The following GRHL3 variants were observed in gnomAD, a reference collection of about 807,000 sequenced individuals.
The protein encoded by GRHL3 is grainyhead like transcription factor 3.
In GRHL3, 20 loss-of-function variants were observed where a neutral mutation model predicts 70.3. The observed-to-expected ratio is 0.28, with a 90% CI of 0.20 to 0.41. The LOEUF is 0.41. Ranked by LOEUF, GRHL3 falls within the 10% of genes least tolerant of loss-of-function variation. GRHL3 has a pLI of 1.00. For missense variants in GRHL3, 637 were observed against 762.3 expected, an observed-to-expected ratio of 0.84 and a Z score of 1.94; for synonymous variants, 299 against 299.9, an observed-to-expected ratio of 1.00 and a Z score of 0.03.
chr1:24,364,312 G>A, exon 16 of GRHL3: 1 of 1,549,804 alleles, frequency 6.5e-7, no homozygotes, highest in Non-Finnish European at 8.7e-7. Flanking sequence ...GAGGGACCTG[G>A]ATTCAAATCC....
chr1:24,360,797 A>G (rs1029286889), intron 15 of GRHL3: 1 of 1,495,162 alleles, frequency 6.7e-7, no homozygotes, highest in Non-Finnish European at 9.1e-7. Context: ...CCCAAGAATG[A>G]CAAACAGTTC....
chr1:24,334,733 C>T lies in GRHL3; in HGVS notation c.266+27C>T, dbSNP rs368307765. 2.5e-6 allele frequency: 4 copies of T among 1,593,058 alleles called. No homozygotes were observed. The highest frequency in any genetic ancestry group is 2.7e-5 in the African/African-American group (2 of 74,368). On this transcript the variant is annotated intron_variant, in intron 3 of 15. Transcript: ENST00000361548. This position sits in a 1 kb window ranked among gnomAD's most constrained non-coding sequence, Gnocchi z 4.3. ...TGAGGCTTGCCAACACCCTCTGCCT[C>T]TTTGCCCTTCCCCACCTCCACCTGG...
chr1:24,334,362 G>A lies in GRHL3; in HGVS notation c.205-283G>A, dbSNP rs1639717764. On this transcript the variant is annotated intron_variant, in intron 2 of 15. Transcript: ENST00000361548. The surrounding 1 kb of genome is among the most constrained non-coding windows in gnomAD (Gnocchi z 4.3). ...CTTCACATGGCGGCAGCAAGGAAAA[G>A]TCCCGAGCGAAAGGGAGAAAGCCCT... Among the ~76,000 whole-genome samples the A allele has an allele frequency of 6.6e-6, 1 of 152,152 alleles. No individual in the cohort carries two copies. The highest frequency in any genetic ancestry group is 1.5e-5 in the Non-Finnish European group (1 of 68,044).
rs368992564 is a variant in GRHL3 at position 24,352,913 on chromosome 1, G to A, written c.1695-1461G>A. ...TGGACCTTCTTCCTGAGAGCGGCAG[G>A]GAGAGACAACTGGATGTGGGCCATG... On this transcript the variant is annotated intron_variant, in intron 15 of 15. Coordinates refer to ENST00000361548, the MANE Select transcript of GRHL3 (RefSeq NM_198173.3). Among the ~76,000 whole-genome samples the A allele has an allele frequency of 8.5e-5, 13 of 152,278 alleles. No homozygotes were observed. In the East Asian group the frequency reaches 2.1e-3, roughly 25 times the overall value.
In GRHL3 at chr1:24,325,816, G is replaced by T. The variant is rs76748244; in HGVS notation, c.18-5610G>T. Among the ~76,000 whole-genome samples, 50 of 152,346 alleles carry T rather than the reference G, an allele frequency of 3.3e-4. No individual in the cohort carries two copies. The East Asian group carries it at 9.7e-3, about 29-fold the overall frequency. On this transcript the variant is annotated intron_variant, in intron 1 of 15. Coordinates refer to ENST00000361548, the MANE Select transcript of GRHL3 (RefSeq NM_198173.3). The stretch of plus-strand genomic sequence containing the variant: ...AGGCCTCAAGAAGTGAGGCCTATCA[G>T]GTAGACCCCTGAGCTCCTCTCTCTT...
chr1:24,357,337 A>G (rs1640788142), downstream of GRHL3: 1 of 151,964 alleles, frequency 6.6e-6, no homozygotes, highest in African/African-American at 2.4e-5. Flanking sequence ...CAAAGTTCCC[A>G]CCTCCTGAAC....
intron 13 of GRHL3, 67 bp from the exon 14 acceptor site, chr1:24,347,401 C>G: frequency 7.4e-7 from 1 of 1,345,406 alleles, no homozygotes; most frequent in Admixed American, 1.7e-5. Flanking sequence ...TTTTCAGATT[C>G]CCCAGCCCCT....
Position 24,322,220 on chromosome 1 carries a change from C to T in GRHL3, c.17+2652C>T, listed in dbSNP as rs1381414011. 1.3e-5 allele frequency among the ~76,000 whole-genome samples: 2 copies of T among 152,292 alleles called. No homozygotes were observed. The highest frequency in any genetic ancestry group is 1.9e-4 in the East Asian group (1 of 5,158). ...GGAGCGTCCCCCGCGGCCTCGCTCC[C>T]TGCTCTCTGGGCCCCACCGCTGCCG... On this transcript the variant is annotated intron_variant, in intron 1 of 15. Coordinates refer to ENST00000361548, the MANE Select transcript of GRHL3 (RefSeq NM_198173.3). The surrounding 1 kb of genome is among the most constrained non-coding windows in gnomAD (Gnocchi z 4.4).
intron 1 of GRHL3, among the ~76,000 whole-genome samples, chr1:24,323,723 G>A (rs1394588846): frequency 6.6e-6 from 1 of 152,140 alleles, no homozygotes; most frequent in East Asian, 1.9e-4. Flanking sequence ...TCCCCTCTCT[G>A]GAACTCAGCT....
chr1:24,349,653 A>G (rs1380872849), intron 14 of GRHL3, among the ~76,000 whole-genome samples: 2 of 152,232 alleles, frequency 1.3e-5, no homozygotes, highest in African/African-American at 4.8e-5. Flanking sequence ...GCACTAGGAC[A>G]GTTTCAATAT....
intron 5 of GRHL3, 95 bp downstream of exon 5, chr1:24,337,246 T>C (rs1444774788): frequency 3.7e-6 from 3 of 820,694 alleles, no homozygotes; most frequent in Non-Finnish European, 5.9e-6. Flanking sequence ...GCAGGCACAA[T>C]CAATTAATGA....
At chr1:24,346,019 GAA>G (rs1640266624) in intron 12 of GRHL3, among the ~76,000 whole-genome samples, 1 of 152,142 alleles carries the variant, frequency 6.6e-6, no homozygotes, top group African/African-American at 2.4e-5. Flanking sequence ...TATGGATGCG[GAA>G]ACTGAGGCTC....
chr1:24,359,657 C>T (rs1415149340), downstream of GRHL3, among the ~76,000 whole-genome samples: 3 of 152,308 alleles, frequency 2.0e-5, no homozygotes, highest in East Asian at 3.9e-4. This position sits in a 1 kb window ranked among gnomAD's most constrained non-coding sequence, Gnocchi z 5.3. Context: ...TTGGCTCCCT[C>T]GCACGGGAGC....
chr1:24,336,706 T>C lies in GRHL3; in HGVS notation c.491T>C (p.Leu164Pro). 6.2e-7 allele frequency: 1 copy of C among 1,614,170 alleles called. No individual in the cohort carries two copies. The highest frequency in any genetic ancestry group is 8.5e-7 in the Non-Finnish European group (1 of 1,180,016). ...KLEAGSVDSYLLPTTDMYDNG... is the reference protein window; with the variant it reads ...KLEAGSVDSYPLPTTDMYDNG... ...GAGGCCGGCTCTGTGGACAGCTACC[T>C]GTTACCCACCACTGATATGTATGAT... is the stretch of plus-strand genomic sequence containing the variant. The change falls in exon 4 of 16, where the codon CTG becomes CCG. Residue 164 changes from leucine (L) to proline (P), a missense_variant. Physicochemically the swap from Leu to Pro is moderately conservative, Grantham distance 98 (BLOSUM62 -3). Transcript: ENST00000361548.
At chr1:24,354,335 G>A (rs368523042) in intron 15 of GRHL3, 39 bp from the exon 16 acceptor site, 16 of 1,440,540 alleles carry the variant, frequency 1.1e-5, no homozygotes, top group African/African-American at 7.0e-5. Context: ...AAAACAGGGC[G>A]CCTGCTGTGT....
Position 24,334,553 on chromosome 1 carries a change from C to T in GRHL3, c.205-92C>T. 1 of 929,948 alleles carries T rather than the reference C, an allele frequency of 1.1e-6. No homozygotes were observed. The highest frequency in any genetic ancestry group is 1.7e-6 in the Non-Finnish European group (1 of 575,596). 57.6% of individuals were successfully genotyped at this position (929,948 alleles called of 1,614,324 possible). On this transcript the variant is annotated intron_variant, in intron 2 of 15. Transcript: ENST00000361548. This position sits in a 1 kb window ranked among gnomAD's most constrained non-coding sequence, Gnocchi z 4.3. Reference sequence around the variant, plus strand: ...CAGCCGAACCATATCACCAAAGTTACTCCCCTGCCTGGCCAAAGCTGCAGG... The same window carrying T: ...CAGCCGAACCATATCACCAAAGTTATTCCCCTGCCTGGCCAAAGCTGCAGG...
intron 15 of GRHL3, among the ~76,000 whole-genome samples, chr1:24,362,757 A>C (rs1312394529): frequency 6.6e-6 from 1 of 152,216 alleles, no homozygotes; most frequent in Non-Finnish European, 1.5e-5. Flanking sequence ...CAGAGAGGAC[A>C]CTGAAAGCCA....
At position 24,354,962 on chromosome 1, in the gene GRHL3, C is replaced by T. The variant is rs1640659606; in HGVS notation, c.*474C>T. 1 of 156,858 alleles carries T rather than the reference C, an allele frequency of 6.4e-6. No individual in the cohort carries two copies. The highest frequency in any genetic ancestry group is 6.3e-5 in the Admixed American group (1 of 15,906). 9.7% of individuals were successfully genotyped at this position (156,858 alleles called of 1,614,324 possible). ...AGTTAACTTGAAAACTCTTGATTTT[C>T]AGTGCAAATGACTTTTAAAAGACAC... is the stretch of plus-strand genomic sequence containing the variant. On this transcript the variant is annotated 3_prime_UTR_variant, in exon 16 of 16. Coordinates refer to ENST00000361548, the MANE Select transcript of GRHL3 (RefSeq NM_198173.3).
At chr1:24,355,796 C>T (rs1640693769), downstream of GRHL3, among the ~76,000 whole-genome samples, 1 of 152,214 alleles carries the variant, frequency 6.6e-6, no homozygotes, top group Non-Finnish European at 1.5e-5. Context: ...ACATTGAAAT[C>T]AGCCATGGTG....
Sources: allele counts gnomAD v4.1 joint callset (sites outside exome capture counted in the v4.1 genomes callset), GRCh38; gene constraint gnomAD v4.1.1; non-coding constraint Gnocchi (gnomAD v3.1); transcripts MANE v1.5; gene names NCBI Gene and HGNC (gene_info 2026-07-23, HGNC 2026-07-21).